KIAA0513: variants seen among roughly 807,000 people sequenced by gnomAD.
The protein encoded by KIAA0513 is KIAA0513.
In KIAA0513, 39 loss-of-function variants were observed where a neutral mutation model predicts 56.5. The observed-to-expected ratio is 0.69, with a 90% CI of 0.53 to 0.90. KIAA0513 has a LOEUF of 0.90. KIAA0513 is among the 40% of genes least tolerant of loss of function. The pLI, the probability that KIAA0513 is intolerant of heterozygous loss-of-function variation, is 0.00. For missense variants in KIAA0513, 591 were observed against 535.2 expected (o/e 1.10, Z -1.03); for synonymous variants, 268 against 215.6 (o/e 1.24, Z -2.13).
chr16:85,086,556 C>T (rs2073810877), intron 10 of KIAA0513, 88 bp from the exon 11 acceptor site: 1 of 1,312,478 alleles, frequency 7.6e-7, no homozygotes, highest in African/African-American at 1.5e-5. Context: ...ATGGGTGCCG[C>T]CAGCACCTGC....
intron 1 of KIAA0513, among the ~76,000 whole-genome samples, chr16:85,045,448 C>T (rs1381197687): frequency 6.6e-6 from 1 of 152,172 alleles, no homozygotes; most frequent in Admixed American, 6.5e-5. Flanking sequence ...CTCCGCCTCC[C>T]AGGTTCAAGT....
rs563428461 is a variant in KIAA0513 at position 85,076,761 on chromosome 16, G to T, written c.575-664G>T. ...AGGCCACACGTCGGCTGCTTTGGGT[G>T]GGGTAGGAACCCCCCAGTACAACCT... On this transcript the variant is annotated intron_variant, in intron 5 of 12. Transcript: ENST00000683363. The surrounding 1 kb of genome is among the most constrained non-coding windows in gnomAD (Gnocchi z 4.7). 1.3e-5 allele frequency among the ~76,000 whole-genome samples: 2 copies of T among 152,286 alleles called. No individual in the cohort carries two copies. Among genetic ancestry groups the T allele is most frequent in the African/African-American group, 2.4e-5 (1 of 41,568 alleles).
chr16:85,065,459 G>A (rs2073466453), intron 1 of KIAA0513, among the ~76,000 whole-genome samples: 1 of 152,208 alleles, frequency 6.6e-6, no homozygotes, highest in Non-Finnish European at 1.5e-5. Context: ...GGCTTGCTTT[G>A]CGGGGCTCCC....
At chr16:85,071,279 C>T (rs948934075) in intron 2 of KIAA0513, among the ~76,000 whole-genome samples, 35 of 152,168 alleles carry the variant, frequency 2.3e-4, no homozygotes, top group African/African-American at 8.0e-4. Context: ...GCGAGCGCCC[C>T]GCTGATACGT....
At chr16:85,087,304 C>T (rs1186700314) in intron 12 of KIAA0513, 138 bp downstream of exon 12, 10 of 685,754 alleles carry the variant, frequency 1.5e-5, no homozygotes, top group Admixed American at 4.5e-5. Context: ...TCTCGGCAGA[C>T]GGCCCCTCCT....
chr16:85,040,540 A>G (rs1392144908), intron 1 of KIAA0513, among the ~76,000 whole-genome samples: 1 of 152,120 alleles, frequency 6.6e-6, no homozygotes, highest in East Asian at 1.9e-4. Context: ...AAAAAAAAGA[A>G]ACTCCAATGT....
intron 1 of KIAA0513, among the ~76,000 whole-genome samples, chr16:85,049,861 C>G (rs1314247522): frequency 6.6e-6 from 1 of 152,200 alleles, no homozygotes; most frequent in Admixed American, 6.5e-5. Context: ...TAGGGAGCCT[C>G]TCCCTGTCCA....
At chr16:85,035,703 G>T (rs963514905) in intron 1 of KIAA0513, among the ~76,000 whole-genome samples, 4 of 152,070 alleles carry the variant, frequency 2.6e-5, no homozygotes, top group African/African-American at 9.7e-5. Context: ...TCTTGGCTGG[G>T]CGCGGTGGCT....
chr16:85,068,058 G>T (rs575716659), intron 2 of KIAA0513, among the ~76,000 whole-genome samples: 1 of 152,000 alleles, frequency 6.6e-6, no homozygotes, highest in Non-Finnish European at 1.5e-5. Flanking sequence ...TGATCCACCC[G>T]CCTCAGCCTC....
chr16:85,031,039 G>A (rs1488633805), intron 1 of KIAA0513, among the ~76,000 whole-genome samples: 1 of 152,112 alleles, frequency 6.6e-6, no homozygotes, highest in Non-Finnish European at 1.5e-5. Flanking sequence ...GAAGGATGCA[G>A]AAAAAAATAA....
chr16:85,034,063 C>A (rs545131342), intron 1 of KIAA0513, among the ~76,000 whole-genome samples: 2 of 152,304 alleles, frequency 1.3e-5, no homozygotes, highest in African/African-American at 4.8e-5. Flanking sequence ...TCTGTTGGGA[C>A]AGATGACTTG....
At chr16:85,058,052 G>A (rs146140844) in intron 1 of KIAA0513, among the ~76,000 whole-genome samples, 2 of 152,202 alleles carry the variant, frequency 1.3e-5, no homozygotes, top group Admixed American at 1.3e-4. Context: ...GTTCACAGCA[G>A]AATGACAATT....
Position 85,088,533 on chromosome 16 carries a change from G to C in KIAA0513, c.*208G>C, listed in dbSNP as rs1179088470. ...CTGCGACCCCCATCCATGTGCCAAAGTGTCCCTTGGGTCACACAGCTAAAG... is the reference window on the plus strand; with the variant it reads ...CTGCGACCCCCATCCATGTGCCAAACTGTCCCTTGGGTCACACAGCTAAAG... On this transcript the variant is annotated 3_prime_UTR_variant, in exon 13 of 13. Transcript: ENST00000683363. 6.9e-6 allele frequency: 4 copies of C among 581,014 alleles called. No individual in the cohort carries two copies. Among genetic ancestry groups the C allele is most frequent in the African/African-American group, 1.9e-5 (1 of 53,642 alleles). The allele number at this position is 581,014 out of a possible 1,614,324, so 36.0% of individuals were successfully genotyped here. A position where few individuals can be genotyped will look rare whatever the true frequency, so the allele number is the denominator to read the frequency against.
In KIAA0513 at chr16:85,082,577, G is replaced by A; in HGVS notation, c.994G>A (p.Glu332Lys). ...CTGCCGCTCCAGAGGGGATGCTGGA[G>A]AGGAGGAGGAGAAGAGGTGTGTGTG... is the stretch of plus-strand genomic sequence containing the variant. ...RSPTTRGDAG[E>K]EEEKREKWCH... Residue 332 changes from glutamate (E) to lysine (K), a missense_variant, in exon 10 of 13, where the codon GAG (glutamate) becomes AAG (lysine). Glu to Lys is a moderately conservative substitution (Grantham distance 56). Transcript: ENST00000683363. 6.2e-7 allele frequency: 1 copy of A among 1,613,580 alleles called. No individual in the cohort carries two copies. The highest frequency in any genetic ancestry group is 1.1e-5 in the South Asian group (1 of 91,060).
At chr16:85,046,180 C>G (rs964085647) in intron 1 of KIAA0513, among the ~76,000 whole-genome samples, 1 of 152,200 alleles carries the variant, frequency 6.6e-6, no homozygotes, top group African/African-American at 2.4e-5. Flanking sequence ...GGGGCTGTCT[C>G]TTGTGAAGTC....
At position 85,067,131 on chromosome 16, in the gene KIAA0513, C is replaced by A; in HGVS notation, c.60C>A (p.Thr20=). 1 of 1,612,938 alleles carries A rather than the reference C, an allele frequency of 6.2e-7. No homozygotes were observed. ...SLIDFGPEAP[T]SSPLEAPPPV... is the part of the protein sequence containing the mutation. ...TCGACTTTGGGCCTGAGGCACCCACCTCTTCTCCCCTGGAGGCACCACCCC... is the reference window on the plus strand; with the variant it reads ...TCGACTTTGGGCCTGAGGCACCCACATCTTCTCCCCTGGAGGCACCACCCC... The change falls in exon 2 of 13, where the codon ACC becomes ACA. Residue 20 remains threonine, a synonymous_variant. Transcript: ENST00000683363.
chr16:85,041,947 C>G (rs1024264054), intron 1 of KIAA0513, among the ~76,000 whole-genome samples: 3 of 152,196 alleles, frequency 2.0e-5, no homozygotes, highest in African/African-American at 7.2e-5. Flanking sequence ...TGCCCCTATG[C>G]TGCGCACTCC....
chr16:85,077,315 C>T (rs1010457212), intron 5 of KIAA0513, 110 bp from the exon 6 acceptor site: 11 of 997,144 alleles, frequency 1.1e-5, no homozygotes, highest in East Asian at 5.2e-5. Flanking sequence ...GAGGGAGGCT[C>T]CCGTATCCCC....
At chr16:85,045,635 G>A (rs1240298564) in intron 1 of KIAA0513, among the ~76,000 whole-genome samples, 2 of 152,124 alleles carry the variant, frequency 1.3e-5, no homozygotes, top group Admixed American at 6.5e-5. Context: ...GATTACAGGC[G>A]TGAGCCACCG....
Sources: allele counts gnomAD v4.1 joint callset (sites outside exome capture counted in the v4.1 genomes callset), GRCh38; gene constraint gnomAD v4.1.1; non-coding constraint Gnocchi (gnomAD v3.1); transcripts MANE v1.5; gene names NCBI Gene and HGNC (gene_info 2026-07-23, HGNC 2026-07-21).